The following DNAI3 variants were observed in gnomAD, a reference collection of about 807,000 sequenced individuals.
DNAI3 encodes WD repeat domain 63.
Under a neutral mutation model 115.5 loss-of-function variants are expected in DNAI3, and 83 were observed. That is an observed-to-expected ratio of 0.72 (90% CI 0.60 to 0.86). DNAI3 has a LOEUF of 0.86. Ranked by LOEUF, DNAI3 falls within the 40% of genes least tolerant of loss-of-function variation. The pLI is 0.00. For synonymous variants in DNAI3, 320 were observed against 347.0 expected, an observed-to-expected ratio of 0.92 and a Z score of 0.86; for missense variants, 1,004 against 1,075.8, an observed-to-expected ratio of 0.93 and a Z score of 0.93.
chr1:85,117,159 TA>T (rs1655847404), intron 16 of DNAI3, among the ~76,000 whole-genome samples: 1 of 152,130 alleles, frequency 6.6e-6, no homozygotes, highest in South Asian at 2.1e-4. Context: ...AAAAATCTAG[TA>T]AGTTACCTGG....
intron 22 of DNAI3, among the ~76,000 whole-genome samples, chr1:85,130,987 C>A (rs1397205624): frequency 6.6e-6 from 1 of 152,324 alleles, no homozygotes; most frequent in East Asian, 1.9e-4. Flanking sequence ...CTCTCTTTCT[C>A]ACTTGAGATC....
At chr1:85,104,485 G>T in intron 13 of DNAI3, 39 bp from the exon 14 acceptor site, 1 of 1,560,204 alleles carries the variant, frequency 6.4e-7, no homozygotes. Context: ...ATAGCTATGA[G>T]AAAAACAATT....
At position 85,101,861 on chromosome 1, in the gene DNAI3, A is replaced by G. The variant is rs1006533401; in HGVS notation, c.1480-2663A>G. On this transcript the variant is annotated intron_variant, in intron 13 of 22. Transcript: ENST00000294664. ...TAATGTTGAAAGAAATCAGAAAGGA[A>G]TGATTGACAGATTCAAAATATACAC... 1.3e-5 allele frequency among the ~76,000 whole-genome samples: 2 copies of G among 152,022 alleles called. 1 individual carries two copies. Among genetic ancestry groups the G allele is most frequent in the Non-Finnish European group, 2.9e-5 (2 of 68,006 alleles).
At chr1:85,081,770 C>T (rs549629163) in intron 4 of DNAI3, among the ~76,000 whole-genome samples, 1 of 152,278 alleles carries the variant, frequency 6.6e-6, no homozygotes, top group South Asian at 2.1e-4. Flanking sequence ...GTTTCAGCCT[C>T]CTGAGTAACT....
intron 14 of DNAI3, among the ~76,000 whole-genome samples, chr1:85,105,955 A>G (rs1244201111): frequency 6.6e-6 from 1 of 152,186 alleles, no homozygotes; most frequent in East Asian, 1.9e-4. Flanking sequence ...CCAAAGAACC[A>G]CTAGAATGCC....
At chr1:85,125,623 G>C (rs1557727748) in intron 19 of DNAI3, among the ~76,000 whole-genome samples, 1 of 151,910 alleles carries the variant, frequency 6.6e-6, no homozygotes, top group African/African-American at 2.4e-5. Flanking sequence ...ACTATGCCAG[G>C]GTCAGGAATT....
chr1:85,120,126 G>A (rs1170795610), intron 17 of DNAI3, among the ~76,000 whole-genome samples: 2 of 152,210 alleles, frequency 1.3e-5, no homozygotes. Flanking sequence ...ATTGCTCTTG[G>A]CCCTGTAGAT....
chr1:85,090,888 T>C (rs1327691158), intron 8 of DNAI3, among the ~76,000 whole-genome samples: 1 of 152,236 alleles, frequency 6.6e-6, no homozygotes, highest in Non-Finnish European at 1.5e-5. Context: ...TTATACTCAA[T>C]AGGCTGGTTT....
At chr1:85,124,094 T>C in intron 18 of DNAI3, 27 bp from the exon 19 acceptor site, 1 of 1,612,688 alleles carries the variant, frequency 6.2e-7, no homozygotes, top group Non-Finnish European at 8.5e-7. Flanking sequence ...TTATTAAAGA[T>C]GAGATGGTCT....
intron 22 of DNAI3, 136 bp downstream of exon 22, chr1:85,130,248 G>A: frequency 7.9e-7 from 1 of 1,264,718 alleles, no homozygotes; most frequent in South Asian, 1.6e-5. Flanking sequence ...GAGTCAAGAG[G>A]GCATTCCTTT....
At chr1:85,124,300 C>G (rs766334100) in intron 19 of DNAI3, 49 bp downstream of exon 19, 8 of 1,613,556 alleles carry the variant, frequency 5.0e-6, no homozygotes, top group Non-Finnish European at 6.8e-6. Flanking sequence ...TTTTGTTATT[C>G]AGAAAGACAA....
chr1:85,087,049 C>T (rs1335272594), intron 7 of DNAI3, among the ~76,000 whole-genome samples: 6 of 152,068 alleles, frequency 3.9e-5, no homozygotes, highest in African/African-American at 1.2e-4. Context: ...TTTAAGCTTA[C>T]GAGTCCTTTA....
chr1:85,066,621 C>T (rs1654109565), intron 1 of DNAI3, among the ~76,000 whole-genome samples: 1 of 152,102 alleles, frequency 6.6e-6, no homozygotes, highest in Non-Finnish European at 1.5e-5. Flanking sequence ...AGCCACTGCA[C>T]CTGGCCTCTT....
chr1:85,070,216 G>A (rs1245699673), intron 1 of DNAI3, among the ~76,000 whole-genome samples: 4 of 151,814 alleles, frequency 2.6e-5, no homozygotes, highest in Admixed American at 2.6e-4. Context: ...AGCTGAGACC[G>A]CGCCACTGCA....
intron 1 of DNAI3, among the ~76,000 whole-genome samples, chr1:85,064,189 G>A (rs960156969): frequency 6.6e-6 from 1 of 152,110 alleles, no homozygotes; most frequent in Non-Finnish European, 1.5e-5. Context: ...AAAGGTTCAT[G>A]GCACAAAACA....
intron 3 of DNAI3, among the ~76,000 whole-genome samples, chr1:85,073,712 A>G (rs1280061231): frequency 6.6e-5 from 10 of 152,210 alleles, no homozygotes; most frequent in Non-Finnish European, 2.9e-5. Context: ...TTTTAATCGT[A>G]TGGAATGAGG....
chr1:85,106,875 C>T (rs768896949), intron 14 of DNAI3, among the ~76,000 whole-genome samples: 13 of 152,088 alleles, frequency 8.5e-5, no homozygotes, highest in African/African-American at 2.9e-4. Flanking sequence ...TATATACAAA[C>T]GTTTAAAATG....
chr1:85,108,007 A>C, intron 14 of DNAI3, 26 bp from the exon 15 acceptor site: 1 of 1,431,872 alleles, frequency 7.0e-7, no homozygotes, highest in South Asian at 1.5e-5. Context: ...TGTACTTAAT[A>C]AAAAATATAT....
chr1:85,064,580 A>ATGTTTGTT (rs369398116), intron 1 of DNAI3, among the ~76,000 whole-genome samples: 1 of 151,962 alleles, frequency 6.6e-6, no homozygotes, highest in African/African-American at 2.4e-5. Flanking sequence ...TTCTAAATCA[A>ATGTTTGTT]TGTTTGTTTG....
Sources: gnomAD v4.1 joint callset for allele counts (sites outside exome capture counted in the v4.1 genomes callset) on GRCh38, gnomAD v4.1.1 for gene constraint, MANE v1.5 for transcripts, NCBI Gene and HGNC (gene_info 2026-07-23, HGNC 2026-07-21) for gene names.